The following SNRNP70 variants were observed in gnomAD, a reference collection of about 807,000 sequenced individuals.
The protein encoded by SNRNP70 is small nuclear ribonucleoprotein U1 subunit 70.
A neutral mutation model predicts 50.5 loss-of-function variants in SNRNP70; 8 were observed. The ratio of observed to expected loss-of-function variants is 0.16; its 90% CI spans 0.09 to 0.29. The LOEUF (loss-of-function observed/expected upper bound fraction) is 0.29, where lower values mean the gene tolerates loss of function less well. Ranked by LOEUF, SNRNP70 falls within the 10% of genes least tolerant of loss-of-function variation. SNRNP70 has a pLI of 1.00. For missense variants in SNRNP70, 529 were observed against 663.5 expected, an observed-to-expected ratio of 0.80 and a Z score of 2.23; for synonymous variants, 320 against 252.9, an observed-to-expected ratio of 1.27 and a Z score of -2.52.
rs2040703378 is a variant in SNRNP70, at chr19:49,108,133, T to TCGGGCCTGA, written c.1008_1016dup (p.Asp341_Pro343dup). ...CCTGATGATGGGCCTCCAGGGGAGC[T>TCGGGCCTGA]CGGGCCTGACGGCCCTGACGGTCCA... On this transcript the variant is annotated inframe_insertion, in exon 10 of 10. Coordinates refer to ENST00000598441, the MANE Select transcript of SNRNP70 (RefSeq NM_003089.6). The TCGGGCCTGA allele has an allele frequency of 1.3e-6, 2 of 1,544,296 alleles. No homozygotes were observed. Among genetic ancestry groups the TCGGGCCTGA allele is most frequent in the South Asian group, 2.4e-5 (2 of 82,852 alleles).
At chr19:49,099,339 T>G (rs1272319907) in intron 6 of SNRNP70, among the ~76,000 whole-genome samples, 1 of 152,022 alleles carries the variant, frequency 6.6e-6, no homozygotes. Context: ...TAATCTCAGC[T>G]CTTAAGGAGG....
At chr19:49,088,199 C>CTTTTTT (rs34075997) in intron 2 of SNRNP70, among the ~76,000 whole-genome samples, 6 of 94,896 alleles carry the variant, frequency 6.3e-5, no homozygotes, top group African/African-American at 1.2e-4. Flanking sequence ...GAGCCAGGTA[C>CTTTTTT]TTTTTTTTTT....
Position 49,104,655 on chromosome 19 carries a change from G to A in SNRNP70, c.497G>A (p.Gly166Asp). The A allele has an allele frequency of 6.4e-7, 1 of 1,559,122 alleles. No homozygotes were observed. The highest frequency in any genetic ancestry group is 8.7e-7 in the Non-Finnish European group (1 of 1,151,068). Residue 166 changes from glycine (G) to aspartate (D), a missense_variant, in exon 8 of 10, where the codon GGC (glycine) becomes GAC (aspartate). Around this residue, in one of 4 missense-constraint regions of SNRNP70, gnomAD observed 149 missense variants for 259.7 expected, o/e 0.57. Coordinates refer to ENST00000598441, the MANE Select transcript of SNRNP70 (RefSeq NM_003089.6). The surrounding 1 kb of genome is among the most constrained non-coding windows in gnomAD (Gnocchi z 5.4). ...ACAGCCGCTTACAAACACGCAGATG[G>A]CAAGAAGATTGATGGCAGGAGGGTC... ...DMHSAYKHAD[G>D]KKIDGRRVLV... is the part of the protein sequence containing the mutation.
intron 4 of SNRNP70, among the ~76,000 whole-genome samples, chr19:49,092,254 G>C (rs757723587): frequency 2.0e-5 from 3 of 151,906 alleles, no homozygotes; most frequent in East Asian, 3.9e-4. Flanking sequence ...GACTACAGGC[G>C]TGCGTCACCA....
At chr19:49,096,389 C>T (rs1335059919) in intron 4 of SNRNP70, among the ~76,000 whole-genome samples, 2 of 152,066 alleles carry the variant, frequency 1.3e-5, no homozygotes, top group African/African-American at 4.8e-5. Flanking sequence ...GTGGAGAGAA[C>T]GCTGAGATGG....
chr19:49,088,016 C>G (rs576221656), intron 2 of SNRNP70, among the ~76,000 whole-genome samples: 3 of 151,820 alleles, frequency 2.0e-5, no homozygotes, highest in African/African-American at 7.3e-5. Flanking sequence ...CTCAGCCTCT[C>G]AAGTAGCTGG....
chr19:49,104,727 G>A lies in SNRNP70; in HGVS notation c.569G>A (p.Arg190Gln). 1 of 1,546,396 alleles carries A rather than the reference G, an allele frequency of 6.5e-7. No homozygotes were observed. The highest frequency in any genetic ancestry group is 8.7e-7 in the Non-Finnish European group (1 of 1,144,854). The change falls in exon 8 of 10, where the codon CGG becomes CAG. Residue 190 changes from arginine (R) to glutamine (Q), a missense_variant. By Grantham distance (43) the Arg-to-Gln change is conservative. Transcript: ENST00000598441. The surrounding 1 kb of genome is among the most constrained non-coding windows in gnomAD (Gnocchi z 5.4). ...RGRTVKGWRP[R>Q]RLGGGLGGTR... The stretch of plus-strand genomic sequence containing the variant: ...CGAACCGTGAAGGGCTGGAGGCCCC[G>A]GCGGCTAGGTGAGCACATCCTGCCT...
intron 7 of SNRNP70, 178 bp downstream of exon 7, chr19:49,101,649 A>G (rs2040588854): frequency 5.0e-6 from 3 of 601,660 alleles, no homozygotes; most frequent in Admixed American, 5.5e-5. Context: ...TTTTTAAAAA[A>G]CAAAAACCAA....
intron 4 of SNRNP70, among the ~76,000 whole-genome samples, chr19:49,094,868 C>T (rs1028312524): frequency 1.3e-5 from 2 of 152,162 alleles, no homozygotes; most frequent in Non-Finnish European, 2.9e-5. Flanking sequence ...GAGGCAAGCA[C>T]GCTTCCAAAG....
chr19:49,097,599 TATAC>T (rs2040529600), intron 4 of SNRNP70, among the ~76,000 whole-genome samples: 1 of 152,148 alleles, frequency 6.6e-6, no homozygotes, highest in Non-Finnish European at 1.5e-5. Context: ...AGGGAAACAC[TATAC>T]CATGGAAGAA....
At chr19:49,094,582 C>T (rs1461866048) in intron 4 of SNRNP70, among the ~76,000 whole-genome samples, 5 of 152,028 alleles carry the variant, frequency 3.3e-5, no homozygotes, top group African/African-American at 9.7e-5. Flanking sequence ...CATGGGAGTT[C>T]GTTATACTGC....
intron 4 of SNRNP70, among the ~76,000 whole-genome samples, chr19:49,091,749 C>T (rs1166289698): frequency 1.3e-5 from 2 of 152,168 alleles, no homozygotes; most frequent in Non-Finnish European, 2.9e-5. Context: ...TCTGGCGGTG[C>T]ACTCTTTGGA....
At position 49,104,074 on chromosome 19, in the gene SNRNP70, T is replaced by TTTCTTTGGCAGGAGGGAGCAGGG. The variant is rs2122390456; in HGVS notation, c.476-556_476-555insTTGGCAGGAGGGAGCAGGGTTCT. 1 of 152,368 alleles carries TTTCTTTGGCAGGAGGGAGCAGGG rather than the reference T, an allele frequency of 6.6e-6. No individual in the cohort carries two copies. The highest frequency in any genetic ancestry group is 2.4e-5 in the African/African-American group (1 of 41,422). 9.4% of individuals were successfully genotyped at this position (152,368 alleles called of 1,614,324 possible). ...TCTGCTCCCTGCCATTTCCTGAAGA[T>TTTCTTTGGCAGGAGGGAGCAGGG]TTCTCCCACCCCCTTCTGGTTCATT... On this transcript the variant is annotated intron_variant, in intron 7 of 9. Coordinates refer to ENST00000598441, the MANE Select transcript of SNRNP70 (RefSeq NM_003089.6). This position sits in a 1 kb window ranked among gnomAD's most constrained non-coding sequence, Gnocchi z 5.4.
In SNRNP70 at chr19:49,093,840, CAAAACA is replaced by C. The variant is rs534099055; in HGVS notation, c.265+3342_265+3347del. ...GAAACCCCATCTCTACTAAAAATAC[CAAAACA>C]AAAACAAAAACAAAAACAAAACAAA... is the stretch of plus-strand genomic sequence containing the variant. On this transcript the variant is annotated intron_variant, in intron 4 of 9. Coordinates refer to ENST00000598441, the MANE Select transcript of SNRNP70 (RefSeq NM_003089.6). Among the ~76,000 whole-genome samples the C allele has an allele frequency of 5.6e-3, 843 of 151,032 alleles. 6 individuals carry two copies. Among genetic ancestry groups the C allele is most frequent in the African/African-American group, 0.017 (702 of 41,140 alleles).
At chr19:49,089,723 TGCG>T (rs1372091083) in intron 2 of SNRNP70, among the ~76,000 whole-genome samples, 1 of 138,154 alleles carries the variant, frequency 7.2e-6, no homozygotes, top group Non-Finnish European at 1.5e-5. Flanking sequence ...AGTGCAGTGG[TGCG>T]ATCTCGGCTC....
chr19:49,086,633 T>TCTGGCCATTTTGCCAGCTG, intron 2 of SNRNP70, 72 bp downstream of exon 2: 3 of 1,440,818 alleles, frequency 2.1e-6, no homozygotes, highest in Non-Finnish European at 2.9e-6. Context: ...GAGTCCAGCT[T>TCTGGCCATTTTGCCAGCTG]CTGGCCATTT....
chr19:49,101,097 C>T (rs539428085), intron 6 of SNRNP70, among the ~76,000 whole-genome samples: 248 of 152,346 alleles, frequency 1.6e-3, no homozygotes, highest in Non-Finnish European at 2.5e-3. Flanking sequence ...CTCCTGCCCC[C>T]GGGCCCTTGG....
intron 6 of SNRNP70, 113 bp downstream of exon 6, chr19:49,098,817 C>T: frequency 1.2e-6 from 1 of 858,724 alleles, no homozygotes; most frequent in Non-Finnish European, 2.0e-6. Context: ...CATTTCAGGG[C>T]CTGGATTTAT....
At position 49,107,893 on chromosome 19, in the gene SNRNP70, G is replaced by A; in HGVS notation, c.764G>A (p.Arg255Gln). The A allele has an allele frequency of 6.5e-7, 1 of 1,549,416 alleles. No homozygotes were observed. The highest frequency in any genetic ancestry group is 8.7e-7 in the Non-Finnish European group (1 of 1,147,502). Residue 255 changes from arginine to glutamine, a missense_variant, in exon 10 of 10, where the codon CGA (arginine) becomes CAA (glutamine). By Grantham distance (43) the Arg-to-Gln change is conservative (BLOSUM62 1). Transcript: ENST00000598441. The surrounding 1 kb of genome is among the most constrained non-coding windows in gnomAD (Gnocchi z 6.0). ...GAGCGAGACAAGGAGCGAGAACGGC[G>A]ACGCTCCCGCTCCCGGGACCGGCGG... ...SRERDKERERRRSRSRDRRRR... is the reference protein window; with the variant it reads ...SRERDKERERQRSRSRDRRRR...
Sources: gnomAD v4.1 joint callset for allele counts (sites outside exome capture counted in the v4.1 genomes callset) on GRCh38, gnomAD v4.1.1 for gene constraint, gnomAD v4.1.1 regional missense constraint, Gnocchi (gnomAD v3.1) non-coding constraint, MANE v1.5 for transcripts, NCBI Gene and HGNC (gene_info 2026-07-23, HGNC 2026-07-21) for gene names.